SKP2: variants seen among roughly 807,000 people sequenced by gnomAD.
SKP2 encodes the protein S-phase kinase associated protein 2.
SKP2 carries 16 observed loss-of-function variants against 51.8 expected under a neutral mutation model. The ratio of observed to expected loss-of-function variants is 0.31; its 90% CI spans 0.21 to 0.47. SKP2 has a LOEUF of 0.47. Ranked by LOEUF, SKP2 falls within the 20% of genes least tolerant of loss-of-function variation. The pLI, the probability that SKP2 is intolerant of heterozygous loss-of-function variation, is 1.00. For synonymous variants in SKP2, 176 were observed against 198.6 expected, an observed-to-expected ratio of 0.89 and a Z score of 0.96; for missense variants, 377 against 505.3, an observed-to-expected ratio of 0.75 and a Z score of 2.43.
Position 36,152,205 on chromosome 5 carries a change from G to C in SKP2, c.-58G>C. 6.2e-7 allele frequency: 1 copy of C among 1,602,374 alleles called. No homozygotes were observed. The highest frequency in any genetic ancestry group is 1.7e-5 in the Admixed American group (1 of 60,012). On this transcript the variant is annotated 5_prime_UTR_variant, in exon 1 of 10. Transcript: ENST00000274255. ...GCCGCGCGCCAAAGCGGGAATCTGG[G>C]AGGCGAGCAGCTCTGCAGTTAATGC...
At chr5:36,186,163 G>A (rs1745953737), downstream of SKP2, among the ~76,000 whole-genome samples, 1 of 152,178 alleles carries the variant, frequency 6.6e-6, no homozygotes, top group South Asian at 2.1e-4. Context: ...CTGAGACGAT[G>A]GGGTTTTCTA....
chr5:36,187,981 A>G (rs1028399072), downstream of SKP2, among the ~76,000 whole-genome samples: 3 of 152,134 alleles, frequency 2.0e-5, no homozygotes, highest in Non-Finnish European at 4.4e-5. Flanking sequence ...TCCCTTTACC[A>G]TTATGTAATG....
chr5:36,158,863 A>G (rs910033245), intron 2 of SKP2, among the ~76,000 whole-genome samples: 3 of 152,176 alleles, frequency 2.0e-5, no homozygotes, highest in African/African-American at 7.2e-5. Context: ...CTACAGCTAT[A>G]CTGATAGAGG....
intron 3 of SKP2, 94 bp downstream of exon 3, chr5:36,163,850 A>G: frequency 3.7e-6 from 3 of 803,858 alleles, no homozygotes; most frequent in East Asian, 2.5e-5. Flanking sequence ...AAAACCAAGA[A>G]AAATAGAGCA....
Position 36,183,734 on chromosome 5 carries a change from T to G in SKP2, c.*1703T>G. Reference sequence around the variant, plus strand: ...CATACTATGAAGTGCCTTTATCTGCTTAGACCTAAGGAAGATTTTAAAGTT... The same window carrying G: ...CATACTATGAAGTGCCTTTATCTGCGTAGACCTAAGGAAGATTTTAAAGTT... On this transcript the variant is annotated 3_prime_UTR_variant, in exon 10 of 10. Transcript: ENST00000274255. 1 of 1,434,914 alleles carries G rather than the reference T, an allele frequency of 7.0e-7. No homozygotes were observed. 88.9% of individuals were successfully genotyped at this position (1,434,914 alleles called of 1,614,324 possible).
At chr5:36,154,514 G>A (rs373768747) in intron 2 of SKP2, among the ~76,000 whole-genome samples, 55 of 152,256 alleles carry the variant, frequency 3.6e-4, no homozygotes, top group African/African-American at 1.3e-3. Context: ...GGGGCATCAA[G>A]GGTAGAAACT....
At chr5:36,169,644 G>A (rs1208876794) in intron 5 of SKP2, among the ~76,000 whole-genome samples, 1 of 152,220 alleles carries the variant, frequency 6.6e-6, no homozygotes, top group Non-Finnish European at 1.5e-5. Context: ...AAAACAGATA[G>A]CAGTAATAGC....
chr5:36,181,007 C>T (rs948623526), intron 9 of SKP2, among the ~76,000 whole-genome samples: 12 of 152,030 alleles, frequency 7.9e-5, no homozygotes, highest in Admixed American at 5.9e-4. Context: ...ATTACCAACA[C>T]CAAACAGTAT....
rs1745844368 is a variant in SKP2, at chr5:36,182,535, T to C, written c.*504T>C. 1.0e-6 allele frequency: 1 copy of C among 985,300 alleles called. No individual in the cohort carries two copies. The highest frequency in any genetic ancestry group is 4.7e-5 in the South Asian group (1 of 21,286). The allele number at this position is 985,300 out of a possible 1,614,324, so 61.0% of individuals were successfully genotyped here. ...CGTCTGAGGCCATCTTTTCTAGGAA[T>C]AGGAAAGAGAAAAATGTATTTGAAT... On this transcript the variant is annotated 3_prime_UTR_variant, in exon 10 of 10. Transcript: ENST00000274255.
At chr5:36,158,941 CA>C (rs1346982905) in intron 2 of SKP2, among the ~76,000 whole-genome samples, 1 of 152,186 alleles carries the variant, frequency 6.6e-6, no homozygotes, top group South Asian at 2.1e-4. Context: ...GTGCTGTGCA[CA>C]TAGTCGTTAA....
intron 3 of SKP2, among the ~76,000 whole-genome samples, chr5:36,165,649 A>T (rs78906738): frequency 0.049 from 7,479 of 152,264 alleles, 659 homozygotes; most frequent in African/African-American, 0.17. Flanking sequence ...TTGTCACACA[A>T]ATCACACTGA....
intron 7 of SKP2, among the ~76,000 whole-genome samples, chr5:36,172,280 T>TAATAATAA (rs56300560): frequency 0.63 from 94,927 of 151,526 alleles, 35,451 homozygotes; most frequent in Non-Finnish European, 0.84. Context: ...TAAACTCTGT[T>TAATAATAA]AATAAGTTCA....
intron 4 of SKP2, 22 bp downstream of exon 4, chr5:36,166,684 A>G: frequency 6.2e-7 from 1 of 1,608,376 alleles, no homozygotes; most frequent in Non-Finnish European, 8.5e-7. Flanking sequence ...AAATCCCTGG[A>G]AAAGACTATT....
intron 6 of SKP2, among the ~76,000 whole-genome samples, chr5:36,192,037 A>G (rs1254000058): frequency 6.6e-6 from 1 of 152,204 alleles, no homozygotes; most frequent in East Asian, 1.9e-4. Context: ...TAAAATCACT[A>G]TATTTAAGGT....
intron 2 of SKP2, chr5:36,155,336 G>C (rs1160993136): frequency 1.3e-5 from 2 of 152,196 alleles, no homozygotes; most frequent in African/African-American, 2.4e-5. Context: ...AGCAGTAGAG[G>C]GTTGTAGTGA....
At chr5:36,185,606 A>T (rs1745945177), downstream of SKP2, among the ~76,000 whole-genome samples, 1 of 152,114 alleles carries the variant, frequency 6.6e-6, no homozygotes, top group Non-Finnish European at 1.5e-5. Flanking sequence ...TGTTCCATTG[A>T]TCTATGTCTC....
intron 9 of SKP2, among the ~76,000 whole-genome samples, chr5:36,177,832 G>A (rs542375923): frequency 2.0e-4 from 31 of 152,218 alleles, no homozygotes; most frequent in African/African-American, 7.2e-4. Flanking sequence ...GGTCTAAAAA[G>A]TGAAGTGAAG....
chr5:36,192,692 C>G (rs1255765461), exon 7 of SKP2: 2 of 152,134 alleles, frequency 1.3e-5, no homozygotes, highest in Admixed American at 6.5e-5. Context: ...CCTACACTGA[C>G]CAGGTAAGCA....
rs980133852 is a variant in SKP2 at position 36,162,724 on chromosome 5, A to G, written c.281-921A>G. Among the ~76,000 whole-genome samples the G allele has an allele frequency of 7.2e-5, 11 of 152,306 alleles. 1 individual carries two copies. Among genetic ancestry groups the G allele is most frequent in the Admixed American group, 5.9e-4 (9 of 15,300 alleles). ...TTTTAGGTAAACTGTGCCTTTTGTA[A>G]ACCTGAAAGAAAGCATATTAGTCTG... On this transcript the variant is annotated intron_variant, in intron 2 of 9. Transcript: ENST00000274255.
Sources: gnomAD v4.1 joint callset for allele counts (sites outside exome capture counted in the v4.1 genomes callset) on GRCh38, gnomAD v4.1.1 for gene constraint, MANE v1.5 for transcripts, NCBI Gene and HGNC (gene_info 2026-07-23, HGNC 2026-07-21) for gene names.